Variants in SIPA1L3 observed in about 807,000 individuals in gnomAD.
SIPA1L3 encodes the protein signal-induced proliferation-associated 1-like protein 3.
SIPA1L3 carries 59 observed loss-of-function variants against 150.1 expected under a neutral mutation model. The ratio of observed to expected loss-of-function variants is 0.39; its 90% CI spans 0.32 to 0.49. The LOEUF (loss-of-function observed/expected upper bound fraction) is 0.49. Ranked by LOEUF, SIPA1L3 falls within the 20% of genes least tolerant of loss-of-function variation. The pLI is 0.86. For missense variants in SIPA1L3, 2,211 were observed against 2,489.5 expected, an observed-to-expected ratio of 0.89 and a Z score of 2.38; for synonymous variants, 1,070 against 1,077.6, an observed-to-expected ratio of 0.99 and a Z score of 0.14.
chr19:38,095,806 C>G (rs1280338243), intron 4 of SIPA1L3, among the ~76,000 whole-genome samples: 3 of 152,224 alleles, frequency 2.0e-5, no homozygotes, highest in African/African-American at 7.2e-5. Flanking sequence ...ATGAGGTGGT[C>G]AGAGCCAAAA....
chr19:38,101,801 T>C (rs1970509721), intron 6 of SIPA1L3, among the ~76,000 whole-genome samples: 2 of 152,206 alleles, frequency 1.3e-5, no homozygotes, highest in Non-Finnish European at 2.9e-5. Flanking sequence ...CTCCTAGGTA[T>C]GCACTCTGTC....
Position 38,158,323 on chromosome 19 carries a change from G to A in SIPA1L3, c.3662-3930G>A, listed in dbSNP as rs569451539. On this transcript the variant is annotated intron_variant, in intron 13 of 21. Transcript: ENST00000222345. ...TCTGAGCAAATCACATTTCAGGTGA[G>A]GTTGGAATAATGCAAAGAAGTCAGT... 5.3e-5 allele frequency among the ~76,000 whole-genome samples: 8 copies of A among 152,334 alleles called. No individual in the cohort carries two copies. In the South Asian group the frequency reaches 1.7e-3, roughly 32 times the overall value.
intron 18 of SIPA1L3, among the ~76,000 whole-genome samples, chr19:38,195,617 G>T (rs1368157387): frequency 3.9e-5 from 6 of 152,200 alleles, no homozygotes; most frequent in Non-Finnish European, 8.8e-5. Flanking sequence ...AAAGGACGGG[G>T]ACAGCGGCCA....
chr19:38,152,773 C>T (rs1971855455), intron 12 of SIPA1L3, 67 bp from the exon 13 acceptor site: 2 of 1,524,466 alleles, frequency 1.3e-6, no homozygotes, highest in Admixed American at 1.9e-5. Flanking sequence ...GGCTCAGGCT[C>T]AGGCTCAGGT....
chr19:38,099,366 C>G lies in SIPA1L3; in HGVS notation c.1666-596C>G, dbSNP rs1237335143. 2.0e-5 allele frequency among the ~76,000 whole-genome samples: 3 copies of G among 147,582 alleles called. No individual in the cohort carries two copies. The Admixed American group carries it at 2.1e-4, about 10-fold the overall frequency. On this transcript the variant is annotated intron_variant, in intron 4 of 21. Coordinates refer to ENST00000222345, the MANE Select transcript of SIPA1L3 (RefSeq NM_015073.3). ...TTTTTTTTTTTTAAATGAAACTGGT[C>G]TGAAACCAGTGCCACAGTTCAAGAT... is the stretch of plus-strand genomic sequence containing the variant.
chr19:37,925,590 CT>C (rs761234489), intron 1 of SIPA1L3, among the ~76,000 whole-genome samples: 448 of 110,756 alleles, frequency 4.0e-3, no homozygotes, highest in Admixed American at 0.012. Flanking sequence ...TGATTTATTA[CT>C]TTTTTTTTTT....
At chr19:38,162,582 C>G (rs980977471) in intron 14 of SIPA1L3, among the ~76,000 whole-genome samples, 11 of 152,244 alleles carry the variant, frequency 7.2e-5, no homozygotes, top group Non-Finnish European at 1.3e-4. Flanking sequence ...TTTACCTCCT[C>G]GAGCCGCAGT....
intron 1 of SIPA1L3, among the ~76,000 whole-genome samples, chr19:37,925,897 A>G (rs1274968784): frequency 6.6e-6 from 1 of 152,064 alleles, no homozygotes; most frequent in Non-Finnish European, 1.5e-5. Context: ...CGGCCGATTT[A>G]TTACACTTTT....
intron 2 of SIPA1L3, among the ~76,000 whole-genome samples, chr19:38,038,286 C>T (rs893541716): frequency 1.3e-5 from 2 of 152,122 alleles, no homozygotes; most frequent in African/African-American, 4.8e-5. Context: ...TGCACTGTAT[C>T]TTCCTCATGT....
chr19:38,041,512 C>T (rs1010919630), intron 2 of SIPA1L3, among the ~76,000 whole-genome samples: 5 of 151,598 alleles, frequency 3.3e-5, no homozygotes, highest in African/African-American at 9.7e-5. Context: ...CTCCTGACCT[C>T]GTGATCCGCC....
At chr19:38,023,265 CAG>C (rs1433961062) in intron 1 of SIPA1L3, among the ~76,000 whole-genome samples, 1 of 152,020 alleles carries the variant, frequency 6.6e-6, no homozygotes. Context: ...GGCCGGGGGT[CAG>C]GGGGTACAGG....
intron 1 of SIPA1L3, among the ~76,000 whole-genome samples, chr19:37,971,249 G>A (rs1291188550): frequency 1.3e-5 from 2 of 151,932 alleles, no homozygotes; most frequent in East Asian, 1.9e-4. Flanking sequence ...CCTAAGTGCT[G>A]GGAGTGCAGG....
At chr19:38,162,457 A>T in intron 14 of SIPA1L3, 86 bp downstream of exon 14, 1 of 937,550 alleles carries the variant, frequency 1.1e-6, no homozygotes. Context: ...GCACATCCTC[A>T]ACCTCTGCCA....
chr19:37,914,469 A>C (rs2046400377), intron 1 of SIPA1L3, among the ~76,000 whole-genome samples: 1 of 151,444 alleles, frequency 6.6e-6, no homozygotes, highest in African/African-American at 2.4e-5. Flanking sequence ...TCCTGGGCTC[A>C]AGTGATCCTC....
chr19:38,152,249 T>C (rs563930214), intron 12 of SIPA1L3, among the ~76,000 whole-genome samples: 1 of 152,288 alleles, frequency 6.6e-6, no homozygotes, highest in East Asian at 1.9e-4. Flanking sequence ...GCCTAAACAC[T>C]GGACATGACG....
chr19:38,134,730 AAAG>A (rs1971395916), intron 10 of SIPA1L3, among the ~76,000 whole-genome samples: 1 of 118,872 alleles, frequency 8.4e-6, no homozygotes, highest in Admixed American at 8.9e-5. Context: ...AAAAAAAAAA[AAAG>A]GCACGTGGGA....
intron 16 of SIPA1L3, among the ~76,000 whole-genome samples, chr19:38,186,749 G>C (rs960845253): frequency 3.7e-4 from 56 of 151,254 alleles, no homozygotes; most frequent in Admixed American, 2.0e-4. Flanking sequence ...CCAGCACTTT[G>C]GGAGGCTGAG....
At chr19:38,184,369 G>T (rs914801010) in intron 16 of SIPA1L3, 3 of 152,254 alleles carry the variant, frequency 2.0e-5, no homozygotes, top group Non-Finnish European at 4.4e-5. Flanking sequence ...GTAGAGACGG[G>T]GTTTCACCAT....
intron 1 of SIPA1L3, among the ~76,000 whole-genome samples, chr19:37,917,334 A>T (rs543734504): frequency 1.3e-5 from 2 of 152,068 alleles, no homozygotes; most frequent in Admixed American, 6.6e-5. Flanking sequence ...CTGACATGCC[A>T]CTCCTGTTTT....
Sources: allele counts gnomAD v4.1 joint callset (sites outside exome capture counted in the v4.1 genomes callset), GRCh38; gene constraint gnomAD v4.1.1; transcripts MANE v1.5; gene names NCBI Gene and HGNC (gene_info 2026-07-23, HGNC 2026-07-21).